TSKU: variants seen among roughly 807,000 people sequenced by gnomAD.
TSKU encodes tsukushi, small leucine rich proteoglycan, also known as tsukushi.
A neutral mutation model predicts 11.2 loss-of-function variants in TSKU; 4 were observed. That is an observed-to-expected ratio of 0.36 (90% CI 0.18 to 0.82). The LOEUF (loss-of-function observed/expected upper bound fraction) is 0.82. Ranked by LOEUF, TSKU falls within the 40% of genes least tolerant of loss-of-function variation. The pLI, the probability that TSKU is intolerant of heterozygous loss-of-function variation, is 0.50. For missense variants in TSKU, 407 were observed against 482.5 expected (o/e 0.84, Z 1.47); for synonymous variants, 220 against 232.2 (o/e 0.95, Z 0.48).
At position 76,794,333 on chromosome 11, in the gene TSKU, T is replaced by G. The variant is rs115824761; in HGVS notation, c.-8-1276T>G. 9.1e-3 allele frequency among the ~76,000 whole-genome samples: 1,380 copies of G among 152,320 alleles called. 21 individuals are homozygous for G. Among genetic ancestry groups the G allele is most frequent in the African/African-American group, 0.032 (1,327 of 41,560 alleles). Reference sequence around the variant, plus strand: ...GATGTGACAACACGTATGTAGCACCTGGCATCTGTAGCAGCCACCACTGTA... The same window carrying G: ...GATGTGACAACACGTATGTAGCACCGGGCATCTGTAGCAGCCACCACTGTA... On this transcript the variant is annotated intron_variant, in intron 1 of 1. Coordinates refer to ENST00000333090, the MANE Select transcript of TSKU (RefSeq NM_015516.4).
chr11:76,784,689 T>A (rs1201407397), intron 1 of TSKU, among the ~76,000 whole-genome samples: 1 of 145,240 alleles, frequency 6.9e-6, no homozygotes, highest in Non-Finnish European at 1.5e-5. Flanking sequence ...CTTTCATCTT[T>A]GTGCGCCCTG....
intron 1 of TSKU, among the ~76,000 whole-genome samples, chr11:76,790,084 G>A (rs1944350584): frequency 1.5e-5 from 2 of 137,348 alleles, no homozygotes; most frequent in African/African-American, 2.8e-5. Flanking sequence ...TATATACTTA[G>A]TAGAAATTTA....
At chr11:76,783,922 C>T (rs1374935819) in intron 1 of TSKU, among the ~76,000 whole-genome samples, 2 of 151,802 alleles carry the variant, frequency 1.3e-5, no homozygotes, top group African/African-American at 4.8e-5. Context: ...GCTCCCCCGC[C>T]GTCCCCTCGG....
chr11:76,786,485 G>A (rs1256913959), intron 1 of TSKU, among the ~76,000 whole-genome samples: 4 of 152,336 alleles, frequency 2.6e-5, no homozygotes, highest in African/African-American at 9.6e-5. Context: ...AGAGTCACAG[G>A]CCTCTAGACT....
intron 1 of TSKU, among the ~76,000 whole-genome samples, chr11:76,794,621 G>A (rs1247042233): frequency 6.6e-6 from 1 of 152,242 alleles, no homozygotes; most frequent in African/African-American, 2.4e-5. Flanking sequence ...CAGCCTAACT[G>A]CCTGCCCGAG....
chr11:76,796,736 C>G lies in TSKU; in HGVS notation c.*58C>G. On this transcript the variant is annotated 3_prime_UTR_variant, in exon 2 of 2. Coordinates refer to ENST00000333090, the MANE Select transcript of TSKU (RefSeq NM_015516.4). The surrounding 1 kb of genome is among the most constrained non-coding windows in gnomAD (Gnocchi z 4.1). ...TGCTGTCCTGGGCTGCCTCAGGTCC[C>G]GAGTAACTTATGTTCAATGTGCCAA... is the stretch of plus-strand genomic sequence containing the variant. The G allele has an allele frequency of 7.5e-7, 1 of 1,327,548 alleles. No individual in the cohort carries two copies. Among genetic ancestry groups the G allele is most frequent in the South Asian group, 1.8e-5 (1 of 54,388 alleles). The allele number at this position is 1,327,548 out of a possible 1,614,324, so 82.2% of individuals were successfully genotyped here. A position where few individuals can be genotyped will look rare whatever the true frequency, so the allele number is the denominator to read the frequency against.
chr11:76,795,715 T>C lies in TSKU; in HGVS notation c.99T>C (p.Leu33=), dbSNP rs1944430587. The change falls in exon 2 of 2, where the codon CTT becomes CTC. Residue 33 remains leucine (L), a synonymous_variant. Coordinates refer to ENST00000333090, the MANE Select transcript of TSKU (RefSeq NM_015516.4). The part of the protein sequence containing the change: ...GCQCEVETFG[L]FDSFSLTRVD... The stretch of plus-strand genomic sequence containing the variant: ...AATGCGAGGTGGAGACCTTCGGCCT[T>C]TTCGACAGCTTCAGCCTGACTCGGG... 1 of 1,614,074 alleles carries C rather than the reference T, an allele frequency of 6.2e-7. No individual in the cohort carries two copies. Among genetic ancestry groups the C allele is most frequent in the African/African-American group, 1.3e-5 (1 of 74,932 alleles).
Position 76,796,747 on chromosome 11 carries a change from TG to T in TSKU, c.*70del. On this transcript the variant is annotated 3_prime_UTR_variant, in exon 2 of 2. Coordinates refer to ENST00000333090, the MANE Select transcript of TSKU (RefSeq NM_015516.4). The surrounding 1 kb of genome is among the most constrained non-coding windows in gnomAD (Gnocchi z 4.1). ...GCTGCCTCAGGTCCCGAGTAACTTATGTTCAATGTGCCAACACCAGTGGGGA... is the reference window on the plus strand; with the variant it reads ...GCTGCCTCAGGTCCCGAGTAACTTATTTCAATGTGCCAACACCAGTGGGGA... The T allele has an allele frequency of 8.0e-7, 1 of 1,255,984 alleles. No individual in the cohort carries two copies. Among genetic ancestry groups the T allele is most frequent in the Non-Finnish European group, 1.1e-6 (1 of 939,320 alleles). 77.8% of individuals were successfully genotyped at this position (1,255,984 alleles called of 1,614,324 possible). A position where few individuals can be genotyped will look rare whatever the true frequency, so the allele number is the denominator to read the frequency against.
intron 1 of TSKU, among the ~76,000 whole-genome samples, chr11:76,787,675 C>T (rs151144533): frequency 1.3e-5 from 2 of 152,298 alleles, no homozygotes; most frequent in Non-Finnish European, 2.9e-5. Flanking sequence ...CTGCTCTGTA[C>T]CAGGCTCAGT....
rs367560521 is a variant in TSKU at position 76,796,476 on chromosome 11, C to T, written c.860C>T (p.Ser287Leu). 51 of 1,612,966 alleles carry T rather than the reference C, an allele frequency of 3.2e-5. No homozygotes were observed. Among genetic ancestry groups the T allele is most frequent in the Middle Eastern group, 1.6e-4 (1 of 6,066 alleles). The change falls in exon 2 of 2, where the codon TCG becomes TTG. Residue 287 changes from serine to leucine, a missense_variant. By Grantham distance (145) the Ser-to-Leu change is moderately radical. Coordinates refer to ENST00000333090, the MANE Select transcript of TSKU (RefSeq NM_015516.4). This position sits in a 1 kb window ranked among gnomAD's most constrained non-coding sequence, Gnocchi z 4.1. ...AGCTCCCTGCAGGAGCTGGACCTTTCGGGCACCAACCTGGTGCCCCTGCCT... is the reference window on the plus strand; with the variant it reads ...AGCTCCCTGCAGGAGCTGGACCTTTTGGGCACCAACCTGGTGCCCCTGCCT... The part of the protein sequence containing the change: ...GLSSLQELDL[S>L]GTNLVPLPEA...
chr11:76,788,349 C>T (rs1261553069), intron 1 of TSKU, among the ~76,000 whole-genome samples: 1 of 152,086 alleles, frequency 6.6e-6, no homozygotes, highest in East Asian at 1.9e-4. Context: ...AGTGCAGCAC[C>T]AGGGTCAGGC....
rs1305122292 is a variant in TSKU at position 76,797,347 on chromosome 11, C to T, written c.*669C>T. On this transcript the variant is annotated 3_prime_UTR_variant, in exon 2 of 2. Transcript: ENST00000333090. Reference sequence around the variant, plus strand: ...CGGACCCAATGCACTTTCTTGTCTCCTCTAATAAGCCCCACCCTCCCCGCC... The same window carrying T: ...CGGACCCAATGCACTTTCTTGTCTCTTCTAATAAGCCCCACCCTCCCCGCC... 6.0e-6 allele frequency: 1 copy of T among 167,204 alleles called. No individual in the cohort carries two copies. Among genetic ancestry groups the T allele is most frequent in the East Asian group, 1.9e-4 (1 of 5,192 alleles). 10.4% of individuals were successfully genotyped at this position (167,204 alleles called of 1,614,324 possible). A position where few individuals can be genotyped will look rare whatever the true frequency, so the allele number is the denominator to read the frequency against.
chr11:76,796,810 T>C lies in TSKU; in HGVS notation c.*132T>C. ...TATGTGGCAGCGTCACCACAGGAGT[T>C]GTGGGCCTAGGAGAGGCTTTGGACC... On this transcript the variant is annotated 3_prime_UTR_variant, in exon 2 of 2. Transcript: ENST00000333090. The surrounding 1 kb of genome is among the most constrained non-coding windows in gnomAD (Gnocchi z 4.1). 1.5e-6 allele frequency: 1 copy of C among 664,698 alleles called. No homozygotes were observed. 41.2% of individuals were successfully genotyped at this position (664,698 alleles called of 1,614,324 possible).
At chr11:76,792,120 C>G (rs1289215597) in intron 1 of TSKU, 1 of 152,266 alleles carries the variant, frequency 6.6e-6, no homozygotes, top group East Asian at 1.9e-4. Context: ...GAACCCACCT[C>G]TTGCATCAGC....
chr11:76,795,667 C>T lies in TSKU; in HGVS notation c.51C>T (p.Thr17=). The change falls in exon 2 of 2, where the codon ACC becomes ACT. Residue 17 remains threonine, a synonymous_variant. Transcript: ENST00000333090. The part of the protein sequence containing the change: ...LLLAVSGAQT[T]RPCFPGCQCE... ...TGGCCGTGAGTGGGGCCCAGACAAC[C>T]CGGCCATGCTTCCCCGGGTGCCAAT... The T allele has an allele frequency of 6.2e-7, 1 of 1,613,860 alleles. No homozygotes were observed. Among genetic ancestry groups the T allele is most frequent in the South Asian group, 1.1e-5 (1 of 91,086 alleles).
At chr11:76,790,933 T>G (rs1039296521) in intron 1 of TSKU, among the ~76,000 whole-genome samples, 2 of 152,192 alleles carry the variant, frequency 1.3e-5, no homozygotes, top group East Asian at 3.9e-4. Context: ...TGTGGGAAAG[T>G]TTGGAACTTC....
chr11:76,784,677 TTCTTTCATCTTTGTGCG>T (rs1944290335), intron 1 of TSKU, among the ~76,000 whole-genome samples: 1 of 148,490 alleles, frequency 6.7e-6, no homozygotes, highest in Non-Finnish European at 1.5e-5. Flanking sequence ...CCTTCGATTC[TTCTTTCATCTTTGTGCG>T]CCCTGCCCTT....
At chr11:76,783,716 T>C (rs75694075) in intron 1 of TSKU, among the ~76,000 whole-genome samples, 21,407 of 152,238 alleles carry the variant, frequency 0.14, 2,041 homozygotes, top group East Asian at 0.4. Flanking sequence ...CGCGCCGCTG[T>C]CGGTGCCTTT....
At position 76,795,969 on chromosome 11, in the gene TSKU, A is replaced by G; in HGVS notation, c.353A>G (p.Asn118Ser). 2 of 1,613,764 alleles carry G rather than the reference A, an allele frequency of 1.2e-6. No homozygotes were observed. The highest frequency in any genetic ancestry group is 8.5e-7 in the Non-Finnish European group (1 of 1,179,984). The change falls in exon 2 of 2, where the codon AAT becomes AGT. Residue 118 changes from asparagine (N) to serine (S), a missense_variant. Asn to Ser is a conservative substitution (Grantham distance 46, BLOSUM62 1). Transcript: ENST00000333090. ...CTGGAGTCGCTTGACCTCAGCCACA[A>G]TGGCCTGACAGCCCTGCCAGCCGAG... ...RYLESLDLSH[N>S]GLTALPAESF...
Sources: allele counts gnomAD v4.1 joint callset (sites outside exome capture counted in the v4.1 genomes callset), GRCh38; gene constraint gnomAD v4.1.1; non-coding constraint Gnocchi (gnomAD v3.1); transcripts MANE v1.5; gene names NCBI Gene and HGNC (gene_info 2026-07-23, HGNC 2026-07-21).